The following ASAP1 variants were observed in gnomAD, a reference collection of about 807,000 sequenced individuals.
ASAP1 encodes the protein ArfGAP with SH3 domain, ankyrin repeat and PH domain 1, also known as arf-GAP with SH3 domain, ANK repeat and PH domain-containing protein 1.
ASAP1 carries 43 observed loss-of-function variants against 145.2 expected under a neutral mutation model. The observed-to-expected ratio is 0.30, with a 90% CI of 0.23 to 0.38. ASAP1 has a LOEUF of 0.38. ASAP1 is among the 10% of genes least tolerant of loss of function. The pLI, the probability that ASAP1 is intolerant of heterozygous loss-of-function variation, is 1.00. For synonymous variants in ASAP1, 546 were observed against 515.5 expected (o/e 1.06, Z -0.80); for missense variants, 1,018 against 1,355.3 (o/e 0.75, Z 3.91).
intron 4 of ASAP1, among the ~76,000 whole-genome samples, chr8:130,221,483 G>C (rs1817292127): frequency 1.3e-5 from 2 of 152,138 alleles, no homozygotes; most frequent in South Asian, 4.1e-4. Flanking sequence ...TCATCTATTT[G>C]TTTCCCCCTT....
At chr8:130,417,218 G>A (rs528096886) in intron 1 of ASAP1, among the ~76,000 whole-genome samples, 4 of 119,204 alleles carry the variant, frequency 3.4e-5, no homozygotes, top group South Asian at 4.8e-4. Context: ...AACAACCCAC[G>A]TACAACTGCA....
At chr8:130,418,657 A>G (rs1829588824) in intron 1 of ASAP1, among the ~76,000 whole-genome samples, 2 of 152,068 alleles carry the variant, frequency 1.3e-5, no homozygotes, top group African/African-American at 4.8e-5. Flanking sequence ...CGAACCCATA[A>G]GCAGTCACTC....
chr8:130,111,095 G>C (rs2097545937), intron 24 of ASAP1, among the ~76,000 whole-genome samples: 1 of 151,778 alleles, frequency 6.6e-6, no homozygotes, highest in African/African-American at 2.4e-5. Flanking sequence ...TTCCTCGTCT[G>C]GGCGCAGTGG....
chr8:130,265,474 G>A (rs1176140639), intron 3 of ASAP1, among the ~76,000 whole-genome samples: 1 of 151,744 alleles, frequency 6.6e-6, no homozygotes, highest in Non-Finnish European at 1.5e-5. Context: ...TCATGAGGCT[G>A]AAGCAGGAGG....
intron 2 of ASAP1, among the ~76,000 whole-genome samples, chr8:130,363,564 T>C (rs1826815043): frequency 6.6e-6 from 1 of 152,210 alleles, no homozygotes; most frequent in Admixed American, 6.5e-5. Context: ...GTATAGAATA[T>C]GACTTTCTCA....
chr8:130,200,557 A>G (rs1203911163), intron 5 of ASAP1, among the ~76,000 whole-genome samples: 1 of 152,254 alleles, frequency 6.6e-6, no homozygotes, highest in Non-Finnish European at 1.5e-5. Flanking sequence ...TGTTAAAAAA[A>G]TTATATGACT....
At chr8:130,405,679 G>A (rs1031286342) in intron 1 of ASAP1, among the ~76,000 whole-genome samples, 1 of 152,216 alleles carries the variant, frequency 6.6e-6, no homozygotes, top group Non-Finnish European at 1.5e-5. Context: ...GTGTGAAAGA[G>A]CTGTGTGAGG....
At chr8:130,074,642 G>A (rs74533138) in intron 27 of ASAP1, among the ~76,000 whole-genome samples, 2,925 of 152,278 alleles carry the variant, frequency 0.019, 96 homozygotes, top group African/African-American at 0.065. Context: ...CCCCGAGGGG[G>A]TGGGAGGGTA....
chr8:130,266,708 T>C (rs1457563776), intron 3 of ASAP1, among the ~76,000 whole-genome samples: 1 of 152,004 alleles, frequency 6.6e-6, no homozygotes, highest in Non-Finnish European at 1.5e-5. Flanking sequence ...ATACAGTTAC[T>C]GAATACATGA....
At chr8:130,214,308 C>G (rs933932088) in intron 5 of ASAP1, among the ~76,000 whole-genome samples, 11 of 152,132 alleles carry the variant, frequency 7.2e-5, no homozygotes, top group African/African-American at 2.7e-4. Context: ...TAAATCTACT[C>G]TATCAGCTGG....
chr8:130,280,371 G>A (rs949770240), intron 3 of ASAP1, among the ~76,000 whole-genome samples: 2 of 152,194 alleles, frequency 1.3e-5, no homozygotes, highest in African/African-American at 2.4e-5. Context: ...CCAAGAAACT[G>A]GGCATTTTGT....
At chr8:130,079,854 TTGCATCAA>T in intron 26 of ASAP1, 40 bp downstream of exon 26, 1 of 1,562,532 alleles carries the variant, frequency 6.4e-7, no homozygotes, top group Non-Finnish European at 8.8e-7. Flanking sequence ...ATTCTGTCCA[TTGCATCAA>T]TGGATCCAAC....
intron 11 of ASAP1, among the ~76,000 whole-genome samples, chr8:130,163,555 A>G (rs1047069273): frequency 1.4e-4 from 22 of 152,246 alleles, no homozygotes; most frequent in African/African-American, 5.1e-4. Flanking sequence ...AATGAGTTTC[A>G]TGGCTTAATA....
chr8:130,095,445 T>C (rs1487057574), intron 24 of ASAP1, among the ~76,000 whole-genome samples: 2 of 151,726 alleles, frequency 1.3e-5, no homozygotes, highest in African/African-American at 4.8e-5. Flanking sequence ...GGACTACAGA[T>C]GTGTGCCACC....
chr8:130,371,000 A>G (rs762491097), intron 2 of ASAP1, among the ~76,000 whole-genome samples: 2 of 152,224 alleles, frequency 1.3e-5, no homozygotes, highest in Non-Finnish European at 2.9e-5. Context: ...TTGTGAATAC[A>G]CTAAAAACCA....
At chr8:130,188,013 A>AGTCT (rs1480275569) in intron 6 of ASAP1, 96 bp downstream of exon 6, 1 of 863,968 alleles carries the variant, frequency 1.2e-6, no homozygotes, top group Non-Finnish European at 1.9e-6. Context: ...ATGTTCAAAG[A>AGTCT]GTCTTTCAAA....
chr8:130,171,662 T>C (rs184927301), intron 9 of ASAP1, among the ~76,000 whole-genome samples: 1 of 152,262 alleles, frequency 6.6e-6, no homozygotes, highest in Non-Finnish European at 1.5e-5. Flanking sequence ...CAAACTCTCT[T>C]TTATCAAGAC....
At chr8:130,059,868 A>G (rs928625189) in intron 28 of ASAP1, among the ~76,000 whole-genome samples, 3 of 151,962 alleles carry the variant, frequency 2.0e-5, no homozygotes, top group Admixed American at 1.3e-4. Flanking sequence ...GCTTGAGCCC[A>G]TGAGTTCAAG....
At chr8:130,072,626 C>T (rs1256830988) in intron 27 of ASAP1, among the ~76,000 whole-genome samples, 1 of 151,464 alleles carries the variant, frequency 6.6e-6, no homozygotes, top group African/African-American at 2.4e-5. Context: ...CTACACATTT[C>T]TTTATCTGTA....
Sources: allele counts gnomAD v4.1 joint callset (sites outside exome capture counted in the v4.1 genomes callset), GRCh38; gene constraint gnomAD v4.1.1; transcripts MANE v1.5; gene names NCBI Gene and HGNC (gene_info 2026-07-23, HGNC 2026-07-21).